Variants in UNC13C observed in about 807,000 individuals in gnomAD.
UNC13C encodes the protein protein unc-13 homolog C.
UNC13C carries 174 observed loss-of-function variants against 245.4 expected under a neutral mutation model. That is an observed-to-expected ratio of 0.71 (90% CI 0.63 to 0.80). UNC13C has a LOEUF of 0.80. Among genes scored for constraint, UNC13C ranks in the 30% least tolerant of loss-of-function variants. The pLI is 0.00. For synonymous variants in UNC13C, 992 were observed against 895.1 expected (o/e 1.11, Z -1.93); for missense variants, 2,829 against 2,602.9 (o/e 1.09, Z -1.89).
chr15:53,904,648 A>T, the UNC13C span, among the ~76,000 whole-genome samples: 2 of 152,172 alleles, frequency 1.3e-5, no homozygotes, highest in African/African-American at 2.4e-5. Flanking sequence ...GAAAACCTTA[A>T]AATGTTGACA....
the UNC13C span, among the ~76,000 whole-genome samples, chr15:53,874,727 A>G: frequency 6.6e-6 from 1 of 152,174 alleles, no homozygotes; most frequent in Non-Finnish European, 1.5e-5. Flanking sequence ...TGAAACTTAT[A>G]CCAGGTACTG....
the UNC13C span, among the ~76,000 whole-genome samples, chr15:53,853,536 T>C: frequency 6.6e-6 from 1 of 152,188 alleles, no homozygotes; most frequent in African/African-American, 2.4e-5. Context: ...GGTTAAATGG[T>C]ATTTCGGCCT....
the UNC13C span, among the ~76,000 whole-genome samples, chr15:53,933,576 C>G: frequency 2.0e-5 from 3 of 152,204 alleles, no homozygotes; most frequent in Non-Finnish European, 2.9e-5. Flanking sequence ...ATGGTTTACA[C>G]TGTCTGGTCT....
chr15:54,029,923 G>T (rs551114484), intron 2 of UNC13C, among the ~76,000 whole-genome samples: 2 of 152,254 alleles, frequency 1.3e-5, no homozygotes, highest in African/African-American at 4.8e-5. Context: ...GATATTGAGG[G>T]ATTCCACTCA....
chr15:54,303,285 G>A (rs2037635818), intron 13 of UNC13C, among the ~76,000 whole-genome samples: 1 of 152,124 alleles, frequency 6.6e-6, no homozygotes, highest in African/African-American at 2.4e-5. Context: ...TAAAGTTATA[G>A]CACAATTAAA....
At chr15:54,191,070 C>T (rs2034165764) in intron 4 of UNC13C, among the ~76,000 whole-genome samples, 1 of 152,012 alleles carries the variant, frequency 6.6e-6, no homozygotes, top group South Asian at 2.1e-4. Flanking sequence ...TTAAATTATG[C>T]TTTAAGTTCT....
chr15:54,023,757 A>G (rs542494252), intron 2 of UNC13C, among the ~76,000 whole-genome samples: 1 of 152,286 alleles, frequency 6.6e-6, no homozygotes, highest in South Asian at 2.1e-4. Context: ...GGCATGGTGC[A>G]TTTTTTGAGG....
chr15:54,341,086 C>T (rs1350542473), intron 17 of UNC13C, among the ~76,000 whole-genome samples: 2 of 152,152 alleles, frequency 1.3e-5, no homozygotes, highest in Non-Finnish European at 2.9e-5. Flanking sequence ...ACCATTTGAC[C>T]TAGCAATCCC....
intron 4 of UNC13C, among the ~76,000 whole-genome samples, chr15:54,168,996 T>G (rs1365238611): frequency 6.6e-6 from 1 of 152,188 alleles, no homozygotes; most frequent in Non-Finnish European, 1.5e-5. Flanking sequence ...ATCAACCTAA[T>G]GTTAACTCAG....
At chr15:54,055,692 T>A (rs1362025584) in intron 2 of UNC13C, among the ~76,000 whole-genome samples, 1 of 152,230 alleles carries the variant, frequency 6.6e-6, no homozygotes, top group Non-Finnish European at 1.5e-5. Flanking sequence ...TTTGCATAGA[T>A]GGTGTTTTAT....
intron 8 of UNC13C, among the ~76,000 whole-genome samples, chr15:54,260,877 G>T (rs925356939): frequency 6.6e-6 from 1 of 151,288 alleles, no homozygotes; most frequent in Non-Finnish European, 1.5e-5. Flanking sequence ...ATTGTAAATT[G>T]CCATATAAAG....
chr15:54,059,584 T>A (rs1205935481), intron 2 of UNC13C, among the ~76,000 whole-genome samples: 2 of 152,148 alleles, frequency 1.3e-5, no homozygotes, highest in South Asian at 4.1e-4. Flanking sequence ...AAGCTACCAA[T>A]GACTTTCTTC....
intron 2 of UNC13C, among the ~76,000 whole-genome samples, chr15:54,133,928 A>T (rs2031578827): frequency 6.6e-6 from 1 of 152,240 alleles, no homozygotes; most frequent in South Asian, 2.1e-4. Flanking sequence ...TTATTAAGGC[A>T]TAGTTGACAA....
chr15:54,607,629 G>A (rs1273623677), intron 30 of UNC13C, among the ~76,000 whole-genome samples: 1 of 152,170 alleles, frequency 6.6e-6, no homozygotes, highest in Non-Finnish European at 1.5e-5. Flanking sequence ...AGGGTTAATT[G>A]ACTCAGTTAT....
chr15:54,205,679 G>A (rs140125946), intron 4 of UNC13C, among the ~76,000 whole-genome samples: 1 of 151,990 alleles, frequency 6.6e-6, no homozygotes, highest in Non-Finnish European at 1.5e-5. Context: ...CATGGGACTT[G>A]ATGTTTAAAA....
intron 29 of UNC13C, among the ~76,000 whole-genome samples, chr15:54,562,740 A>G (rs551707586): frequency 6.6e-6 from 1 of 152,150 alleles, no homozygotes; most frequent in East Asian, 1.9e-4. Context: ...GCCATCCTAT[A>G]TCATCTGAAG....
intron 2 of UNC13C, among the ~76,000 whole-genome samples, chr15:54,104,338 G>A (rs1390245253): frequency 5.3e-5 from 8 of 152,006 alleles, no homozygotes; most frequent in Non-Finnish European, 1.2e-4. Flanking sequence ...TTTTCCCTTG[G>A]AGAATATTCA....
At chr15:54,029,443 G>A (rs1466919227) in intron 2 of UNC13C, among the ~76,000 whole-genome samples, 1 of 152,186 alleles carries the variant, frequency 6.6e-6, no homozygotes, top group Admixed American at 6.5e-5. Context: ...TTCTTGAGCT[G>A]ACTGTTGTGA....
chr15:54,330,134 G>A (rs914647915), intron 14 of UNC13C, among the ~76,000 whole-genome samples: 3 of 151,906 alleles, frequency 2.0e-5, no homozygotes, highest in African/African-American at 7.3e-5. Context: ...AGTTTTAGGT[G>A]GGAAAAGGGA....
Sources: allele counts gnomAD v4.1 joint callset (sites outside exome capture counted in the v4.1 genomes callset), GRCh38; gene constraint gnomAD v4.1.1; transcripts MANE v1.5; gene names NCBI Gene and HGNC (gene_info 2026-07-23, HGNC 2026-07-21).